The following SFXN4 variants were observed in gnomAD, a reference collection of about 807,000 sequenced individuals.
SFXN4 encodes sideroflexin-4.
SFXN4 carries 48 observed loss-of-function variants against 54.6 expected under a neutral mutation model. The observed-to-expected ratio is 0.88, with a 90% CI of 0.70 to 1.12. The LOEUF is 1.12. SFXN4 is among the 50% of genes most tolerant of loss of function. SFXN4 has a pLI of 0.00. For missense variants in SFXN4, 383 were observed against 409.2 expected (o/e 0.94, Z 0.55); for synonymous variants, 130 against 145.5 (o/e 0.89, Z 0.77).
intron 2 of SFXN4, 26 bp from the exon 3 acceptor site, chr10:119,162,440 G>A: frequency 6.4e-7 from 1 of 1,572,512 alleles, no homozygotes; most frequent in Non-Finnish European, 8.8e-7. Flanking sequence ...AAGTAATCAA[G>A]TAATGATCTC....
At chr10:119,146,559 T>C (rs1185128684) in intron 12 of SFXN4, among the ~76,000 whole-genome samples, 4 of 151,860 alleles carry the variant, frequency 2.6e-5, no homozygotes, top group Non-Finnish European at 4.4e-5. Context: ...TTTGTTGTTT[T>C]TGTTTGTTTG....
In SFXN4 at chr10:119,155,053, G is replaced by A; in HGVS notation, c.732+9C>T. On this transcript the variant is annotated intron_variant, in intron 11 of 13. Transcript: ENST00000355697. ...AGGCAAGCAGCTATAGCTTCATCCT[G>A]TCTCTTACCTTTGTCCCAGCAATTC... 2 of 1,600,222 alleles carry A rather than the reference G, an allele frequency of 1.2e-6. No individual in the cohort carries two copies. Among genetic ancestry groups the A allele is most frequent in the Non-Finnish European group, 1.7e-6 (2 of 1,167,468 alleles).
chr10:119,164,249 T>C (rs949156900), intron 1 of SFXN4, 53 bp from the exon 2 acceptor site: 13 of 983,258 alleles, frequency 1.3e-5, no homozygotes, highest in African/African-American at 5.2e-5. Flanking sequence ...AAAATAAAGA[T>C]ATAAATACTA....
intron 11 of SFXN4, among the ~76,000 whole-genome samples, chr10:119,151,659 G>C (rs1427874012): frequency 1.3e-5 from 2 of 151,534 alleles, no homozygotes; most frequent in African/African-American, 4.9e-5. Context: ...GGGACTACAG[G>C]CATGAGCCAC....
In SFXN4 at chr10:119,155,284, G is replaced by A. The variant is rs1847236747; in HGVS notation, c.617-107C>T. 4 of 772,598 alleles carry A rather than the reference G, an allele frequency of 5.2e-6. No individual in the cohort carries two copies. In the South Asian group the frequency reaches 6.4e-5, roughly 12 times the overall value. 47.9% of individuals were successfully genotyped at this position (772,598 alleles called of 1,614,324 possible). On this transcript the variant is annotated intron_variant, in intron 10 of 13. Coordinates refer to ENST00000355697, the MANE Select transcript of SFXN4 (RefSeq NM_213649.2). Reference sequence around the variant, plus strand: ...CCCCTGCAAGCCTCTTTCTCTGACAGCTGGCCTTTCTTGACCCTCAGGTGG... The same window carrying A: ...CCCCTGCAAGCCTCTTTCTCTGACAACTGGCCTTTCTTGACCCTCAGGTGG...
At chr10:119,157,499 TAAAC>T (rs1847320900) in intron 9 of SFXN4, among the ~76,000 whole-genome samples, 165 bp downstream of exon 9, 1 of 151,896 alleles carries the variant, frequency 6.6e-6, no homozygotes, top group East Asian at 1.9e-4. Flanking sequence ...CTTAGAAACT[TAAAC>T]TATTAACATG....
intron 13 of SFXN4, among the ~76,000 whole-genome samples, chr10:119,143,986 T>A (rs2133566180): frequency 6.6e-6 from 1 of 152,246 alleles, no homozygotes; most frequent in East Asian, 1.9e-4. Context: ...GGCATAACTA[T>A]CTAAAATAAT....
intron 3 of SFXN4, among the ~76,000 whole-genome samples, chr10:119,161,974 G>A (rs1847568866): frequency 6.6e-6 from 1 of 152,260 alleles, no homozygotes; most frequent in African/African-American, 2.4e-5. Context: ...AACGCTGCCT[G>A]CAGTGGAGAA....
chr10:119,143,595 G>A (rs1263627406), intron 13 of SFXN4, among the ~76,000 whole-genome samples: 1 of 151,844 alleles, frequency 6.6e-6, no homozygotes, highest in Admixed American at 6.6e-5. Context: ...CTCCCACCTC[G>A]GCCTCCCAAA....
Position 119,141,102 on chromosome 10 carries a change from C to T in SFXN4, c.*140G>A, listed in dbSNP as rs1254370325. 1.1e-5 allele frequency: 7 copies of T among 612,528 alleles called. No homozygotes were observed. The highest frequency in any genetic ancestry group is 2.1e-5 in the Non-Finnish European group (7 of 340,752). The allele number at this position is 612,528 out of a possible 1,614,324, so 37.9% of individuals were successfully genotyped here. ...AGAGACGCCAGCCTGGGAACGATCT[C>T]AGTATGGAATCTGAAGTCGCCTTGT... is the stretch of plus-strand genomic sequence containing the variant. On this transcript the variant is annotated 3_prime_UTR_variant, in exon 14 of 14. Transcript: ENST00000355697.
At chr10:119,146,500 T>A in intron 12 of SFXN4, 147 bp from the exon 13 acceptor site, 1 of 491,516 alleles carries the variant, frequency 2.0e-6, no homozygotes, top group South Asian at 4.2e-5. Flanking sequence ...TCAGGGCCTG[T>A]TCTTTTTTCT....
At chr10:119,162,056 A>G in intron 3 of SFXN4, 1 of 437,016 alleles carries the variant, frequency 2.3e-6, no homozygotes, top group Non-Finnish European at 4.0e-6. Context: ...GCTGCAGGGA[A>G]TCCCCACAAA....
rs780298679 is a variant in SFXN4 at position 119,165,678 on chromosome 10, A to T, written c.-31T>A. Reference sequence around the variant, plus strand: ...GCTGGTTAGAGTGGCCGCCGCCGCCAGGCCGCGCGTGGAGGAGGAGCCGGG... The same window carrying T: ...GCTGGTTAGAGTGGCCGCCGCCGCCTGGCCGCGCGTGGAGGAGGAGCCGGG... On this transcript the variant is annotated 5_prime_UTR_variant, in exon 1 of 14. Transcript: ENST00000355697. 8.0e-6 allele frequency: 12 copies of T among 1,509,424 alleles called. No homozygotes were observed. The highest frequency in any genetic ancestry group is 2.2e-4 in the Middle Eastern group (1 of 4,644). The allele number at this position is 1,509,424 out of a possible 1,614,324, so 93.5% of individuals were successfully genotyped here.
rs745992675 is a variant in SFXN4 at position 119,140,891 on chromosome 10, C to T, written c.*351G>A. On this transcript the variant is annotated 3_prime_UTR_variant, in exon 14 of 14. Transcript: ENST00000355697. ...CGGCCTATCCATTTAACACCTGTGT[C>T]CTGGGCACGGTGGACTCTGTGTTCT... 1.5e-5 allele frequency: 3 copies of T among 199,334 alleles called. No homozygotes were observed. The highest frequency in any genetic ancestry group is 2.0e-5 in the Non-Finnish European group (2 of 98,016). The allele number at this position is 199,334 out of a possible 1,614,324, so 12.3% of individuals were successfully genotyped here.
At chr10:119,149,623 G>A (rs543859531) in intron 11 of SFXN4, among the ~76,000 whole-genome samples, 22 of 152,188 alleles carry the variant, frequency 1.4e-4, no homozygotes, top group African/African-American at 4.6e-4. Flanking sequence ...GGTGGTGGGC[G>A]CCTGTAATCC....
At position 119,146,348 on chromosome 10, in the gene SFXN4, TG is replaced by T; in HGVS notation, c.823del (p.Gln275SerfsTer13). 1 of 1,599,274 alleles carries T rather than the reference TG, an allele frequency of 6.3e-7. No individual in the cohort carries two copies. Among genetic ancestry groups the T allele is most frequent in the Non-Finnish European group, 8.6e-7 (1 of 1,166,932 alleles). ...EVFTYFFKRT[Q>X]YFRKNPGSLW... ...TGACCCTGGGTTTTTCCTGAAATAC[TG>T]GGTCCTGTAAGAGACAAGGCATGGC... is the stretch of plus-strand genomic sequence containing the variant. On this transcript the variant is annotated frameshift_variant, in exon 13 of 14. Coordinates refer to ENST00000355697, the MANE Select transcript of SFXN4 (RefSeq NM_213649.2). LOFTEE classifies it high-confidence loss of function.
At chr10:119,156,890 T>C in intron 9 of SFXN4, 134 bp from the exon 10 acceptor site, 1 of 643,774 alleles carries the variant, frequency 1.6e-6, no homozygotes, top group Non-Finnish European at 2.7e-6. Context: ...CAGGTATTTT[T>C]CAAATTCCTG....
intron 1 of SFXN4, chr10:119,165,278 G>C: frequency 1.7e-6 from 2 of 1,210,288 alleles, no homozygotes; most frequent in Non-Finnish European, 2.1e-6. Context: ...CACCTGCGCG[G>C]ACTGGGCCCC....
At position 119,165,176 on chromosome 10, in the gene SFXN4, G is replaced by T. The variant is rs188530354; in HGVS notation, c.111+361C>A. The T allele has an allele frequency of 2.5e-3, 2,625 of 1,035,254 alleles. 7 individuals are homozygous for T. Among genetic ancestry groups the T allele is most frequent in the Non-Finnish European group, 2.9e-3 (2,456 of 859,782 alleles). The allele number at this position is 1,035,254 out of a possible 1,614,324, so 64.1% of individuals were successfully genotyped here. A position where few individuals can be genotyped will look rare whatever the true frequency, so the allele number is the denominator to read the frequency against. On this transcript the variant is annotated intron_variant, in intron 1 of 13. Coordinates refer to ENST00000355697, the MANE Select transcript of SFXN4 (RefSeq NM_213649.2). ...AGGGTGGCTTCCCAAAGCCTCGGGG[G>T]TCTCACCGAAAGTGGCTGAGCTTAC...
Sources: gnomAD v4.1 joint callset for allele counts (sites outside exome capture counted in the v4.1 genomes callset) on GRCh38, gnomAD v4.1.1 for gene constraint, MANE v1.5 for transcripts, NCBI Gene and HGNC (gene_info 2026-07-23, HGNC 2026-07-21) for gene names.